Variants in SEPTIN4 observed in about 807,000 individuals in gnomAD.
The protein encoded by SEPTIN4 is septin-4.
SEPTIN4 carries 52 observed loss-of-function variants against 107.1 expected under a neutral mutation model. That is an observed-to-expected ratio of 0.49 (90% CI 0.39 to 0.61). SEPTIN4 has a LOEUF of 0.61. Among genes scored for constraint, SEPTIN4 ranks in the 20% least tolerant of loss-of-function variants. The probability of loss-of-function intolerance (pLI) is 0.00; values close to 1 mark genes in which losing one functional copy is unlikely to be tolerated. For synonymous variants in SEPTIN4, 417 were observed against 467.0 expected (o/e 0.89, Z 1.38); for missense variants, 1,048 against 1,243.5 (o/e 0.84, Z 2.36).
chr17:58,522,187 C>T, intron 7 of SEPTIN4, 86 bp from the exon 8 acceptor site: 1 of 1,541,134 alleles, frequency 6.5e-7, no homozygotes, highest in Non-Finnish European at 8.8e-7. Flanking sequence ...AGCCCACTCC[C>T]TGAGCAGTGT....
In SEPTIN4 at chr17:58,544,168, GTTTA is replaced by G. The variant is rs750954817; in HGVS notation, c.15_18del (p.Lys6LeufsTer5). On this transcript the variant is annotated frameshift_variant, in exon 1 of 14. Coordinates refer to ENST00000672673, the MANE Select transcript of SEPTIN4 (RefSeq NM_001368771.2). LOFTEE classifies it high-confidence loss of function. ...GCTGAAACCGCTACCTTGGCCCCAG[GTTTA>G]TTTGTCTTGACCATCTGATAGATTG... The G allele has an allele frequency of 9.3e-6, 15 of 1,612,192 alleles. No homozygotes were observed. Among genetic ancestry groups the G allele is most frequent in the Non-Finnish European group, 1.0e-5 (12 of 1,179,070 alleles).
chr17:58,530,818 G>C (rs1598302669), intron 3 of SEPTIN4: 1 of 152,428 alleles, frequency 6.6e-6, no homozygotes, highest in Admixed American at 6.5e-5. Flanking sequence ...AAGGTCACAG[G>C]GTCACCAAGA....
rs757431998 is a variant in SEPTIN4 at position 58,520,952 on chromosome 17, G to A, written c.2831+46C>T. ...AGGGCTTGGTCTCACCCAAGGCTAGGCTTGGGATCTCCCCCTGCCAGCTTT... is the reference window on the plus strand; with the variant it reads ...AGGGCTTGGTCTCACCCAAGGCTAGACTTGGGATCTCCCCCTGCCAGCTTT... On this transcript the variant is annotated intron_variant, in intron 12 of 13. Transcript: ENST00000672673. 3 of 1,612,552 alleles carry A rather than the reference G, an allele frequency of 1.9e-6. No homozygotes were observed. The South Asian group carries it at 3.3e-5, about 18-fold the overall frequency.
At chr17:58,537,750 A>G (rs2043763264) in intron 3 of SEPTIN4, among the ~76,000 whole-genome samples, 1 of 150,868 alleles carries the variant, frequency 6.6e-6, no homozygotes. Flanking sequence ...GAATCACTTG[A>G]ACCCAGAAGG....
At chr17:58,539,248 G>A in intron 3 of SEPTIN4, 1 of 1,359,140 alleles carries the variant, frequency 7.4e-7, no homozygotes, top group Non-Finnish European at 9.9e-7. Flanking sequence ...TTTTAGGAAG[G>A]AGCCACCCTG....
rs1359352581 is a variant in SEPTIN4 at position 58,521,339 on chromosome 17, T to C, written c.2583A>G (p.Pro861=). The change falls in exon 11 of 14, where the codon CCA becomes CCG. Residue 861 remains proline, a synonymous_variant. Coordinates refer to ENST00000672673, the MANE Select transcript of SEPTIN4 (RefSeq NM_001368771.2). The surrounding 1 kb of genome is among the most constrained non-coding windows in gnomAD (Gnocchi z 6.4). ...CAGTGTTGCTGCCAATTACTGCAAA[T>C]GGGATGCTTTCCTGGAAGAGGTTAG... ...LQDQALKESI[P]FAVIGSNTVV... is the part of the protein sequence containing the mutation. 1.9e-6 allele frequency: 3 copies of C among 1,614,016 alleles called. No individual in the cohort carries two copies. The highest frequency in any genetic ancestry group is 3.3e-5 in the Admixed American group (2 of 60,004).
Position 58,543,319 on chromosome 17 carries a change from G to C in SEPTIN4, c.868C>G (p.Arg290Gly). 1 of 1,614,176 alleles carries C rather than the reference G, an allele frequency of 6.2e-7. No individual in the cohort carries two copies. The highest frequency in any genetic ancestry group is 8.5e-7 in the Non-Finnish European group (1 of 1,180,020). ...DSDGVHRVSA[R>G]VDPESLHKYS... ...TTATGAAGAGACTCAGGGTCTACCC[G>C]TGCAGAAACTCGGTGTACACCATCA... Residue 290 changes from arginine (R) to glycine (G), a missense_variant, in exon 1 of 14, where the codon CGG becomes GGG. Around this residue, in one of 2 missense-constraint regions of SEPTIN4, gnomAD observed 787 missense variants for 871.8 expected, o/e 0.90. Transcript: ENST00000672673.
At chr17:58,522,725 G>A (rs997892319) in intron 7 of SEPTIN4, among the ~76,000 whole-genome samples, 1 of 151,658 alleles carries the variant, frequency 6.6e-6, no homozygotes, top group Non-Finnish European at 1.5e-5. Context: ...AATACCAACT[G>A]GAAGCCAGGG....
At chr17:58,536,544 C>T (rs912565952) in intron 3 of SEPTIN4, among the ~76,000 whole-genome samples, 1 of 152,214 alleles carries the variant, frequency 6.6e-6, no homozygotes, top group African/African-American at 2.4e-5. Context: ...TGGTCTCAGA[C>T]CTACCGACCC....
At position 58,538,016 on chromosome 17, in the gene SEPTIN4, C is replaced by G. The variant is rs1413866754; in HGVS notation, c.1614+2650G>C. Among the ~76,000 whole-genome samples, 2 of 152,078 alleles carry G rather than the reference C, an allele frequency of 1.3e-5. No individual in the cohort carries two copies. The highest frequency in any genetic ancestry group is 4.8e-5 in the African/African-American group (2 of 41,396). On this transcript the variant is annotated intron_variant, in intron 3 of 13. Coordinates refer to ENST00000672673, the MANE Select transcript of SEPTIN4 (RefSeq NM_001368771.2). The surrounding 1 kb of genome is among the most constrained non-coding windows in gnomAD (Gnocchi z 4.7). ...GGCTGAGGCAGAAGGATCACTTGAG[C>G]CCAGGAATTCGAGATTACAGTGAGC... is the stretch of plus-strand genomic sequence containing the variant.
intron 3 of SEPTIN4, chr17:58,531,303 C>T (rs2043441106): frequency 6.5e-6 from 1 of 152,734 alleles, no homozygotes; most frequent in Non-Finnish European, 1.5e-5. Flanking sequence ...GGGGAGGGAG[C>T]GGGTAGATGC....
At position 58,541,970 on chromosome 17, in the gene SEPTIN4, A is replaced by C. The variant is rs376283033; in HGVS notation, c.1562-4T>G. 10 of 1,613,616 alleles carry C rather than the reference A, an allele frequency of 6.2e-6. No individual in the cohort carries two copies. Among genetic ancestry groups the C allele is most frequent in the Middle Eastern group, 1.6e-4 (1 of 6,084 alleles). On this transcript the variant is annotated splice_region_variant and splice_polypyrimidine_tract_variant and intron_variant, in intron 1 of 13. Coordinates refer to ENST00000672673, the MANE Select transcript of SEPTIN4 (RefSeq NM_001368771.2). ...TTGTACATTTCCTCAGAGACATCTG[A>C]AAGTAACAGAGAGATGGTTGCTTTT...
intron 3 of SEPTIN4, chr17:58,529,468 G>T: frequency 1.5e-6 from 2 of 1,316,794 alleles, no homozygotes; most frequent in African/African-American, 3.0e-5. Flanking sequence ...TCCTCTGATT[G>T]GCTGTCCCAT....
chr17:58,536,946 T>C (rs952267175), intron 3 of SEPTIN4, among the ~76,000 whole-genome samples: 3 of 152,140 alleles, frequency 2.0e-5, no homozygotes, highest in Admixed American at 2.0e-4. Flanking sequence ...ACTTGGAAAA[T>C]CCACCATTTC....
intron 7 of SEPTIN4, among the ~76,000 whole-genome samples, chr17:58,522,888 C>T (rs2042426619): frequency 6.6e-6 from 1 of 152,082 alleles, no homozygotes; most frequent in Non-Finnish European, 1.5e-5. Flanking sequence ...ATACACACTG[C>T]TCTCCCCTTC....
rs757543645 is a variant in SEPTIN4, at chr17:58,544,127, C to T, written c.60G>A (p.Glu20=). Residue 20 remains glutamate (E), a synonymous_variant, in exon 1 of 14, where the codon GAG becomes GAA. Coordinates refer to ENST00000672673, the MANE Select transcript of SEPTIN4 (RefSeq NM_001368771.2). ...GCTGAGGGGATGTGTTAGTAGTAAC[C>T]TCAGACCCTCTCTGTGCTGAAACCG... ...KVAVSAQRGS[E]VTTNTSPQQG... is the part of the protein sequence containing the mutation. 7 of 1,613,930 alleles carry T rather than the reference C, an allele frequency of 4.3e-6. No homozygotes were observed. Among genetic ancestry groups the T allele is most frequent in the Admixed American group, 1.7e-5 (1 of 59,998 alleles).
chr17:58,543,249 A>C lies in SEPTIN4; in HGVS notation c.938T>G (p.Val313Gly). The C allele has an allele frequency of 6.2e-7, 1 of 1,614,124 alleles. No homozygotes were observed. The highest frequency in any genetic ancestry group is 8.5e-7 in the Non-Finnish European group (1 of 1,180,038). Residue 313 changes from valine to glycine, a missense_variant, in exon 1 of 14, where the codon GTA becomes GGA. Transcript: ENST00000672673. ...PETKPSAKVL[V>G]SSQVESNVRT... ...CACGTTGGACTCCACCTGTGATGAT[A>C]CTAAGACCTTTGCGGAGGGCTTGGT...
rs981640698 is a variant in SEPTIN4, at chr17:58,521,706, T to C, written c.2469+30A>G. 1 of 1,614,120 alleles carries C rather than the reference T, an allele frequency of 6.2e-7. No individual in the cohort carries two copies. The highest frequency in any genetic ancestry group is 1.3e-5 in the African/African-American group (1 of 74,948). Reference sequence around the variant, plus strand: ...ACCACATCCTTTCTAGAAGCCCACCTGATCCCCTCCCACCACCAGCTTCCC... The same window carrying C: ...ACCACATCCTTTCTAGAAGCCCACCCGATCCCCTCCCACCACCAGCTTCCC... On this transcript the variant is annotated intron_variant, in intron 9 of 13. Coordinates refer to ENST00000672673, the MANE Select transcript of SEPTIN4 (RefSeq NM_001368771.2). This position sits in a 1 kb window ranked among gnomAD's most constrained non-coding sequence, Gnocchi z 6.4.
intron 5 of SEPTIN4, 35 bp from the exon 6 acceptor site, chr17:58,525,816 A>C (rs964404038): frequency 6.3e-7 from 1 of 1,578,208 alleles, no homozygotes; most frequent in Non-Finnish European, 8.7e-7. Context: ...CCAAATCAGA[A>C]GGTAAGATCT....
Sources: allele counts gnomAD v4.1 joint callset (sites outside exome capture counted in the v4.1 genomes callset), GRCh38; gene constraint gnomAD v4.1.1; regional missense constraint gnomAD v4.1.1; non-coding constraint Gnocchi (gnomAD v3.1); transcripts MANE v1.5; gene names NCBI Gene and HGNC (gene_info 2026-07-23, HGNC 2026-07-21).